SPAG11A: variants seen among roughly 807,000 people sequenced by gnomAD.
SPAG11A encodes sperm-associated antigen 11A.
A neutral mutation model predicts 5.5 loss-of-function variants in SPAG11A; 2 were observed. The ratio of observed to expected loss-of-function variants is 0.37; its 90% CI spans 0.15 to 1.15. The LOEUF (loss-of-function observed/expected upper bound fraction) is 1.15, where lower values mean the gene tolerates loss of function less well. Ranked by LOEUF, SPAG11A falls within the 50% of genes most tolerant of loss-of-function variation. SPAG11A has a pLI of 0.38. For synonymous variants in SPAG11A, 11 were observed against 42.7 expected, an observed-to-expected ratio of 0.26 and a Z score of 2.90; for missense variants, 24 against 122.5, an observed-to-expected ratio of 0.20 and a Z score of 3.80.
chr8:7,863,556 T>G, downstream of SPAG11A: 1 of 1,604,780 alleles, frequency 6.2e-7, no homozygotes. Flanking sequence ...GACTTCCTCT[T>G]CCTGCCTCCT....
At chr8:7,856,653 TAC>T (rs1818039464) in intron 2 of SPAG11A, among the ~76,000 whole-genome samples, 1 of 75,998 alleles carries the variant, frequency 1.3e-5, no homozygotes. Flanking sequence ...ACATTTTTTC[TAC>T]TATCAAATGT....
At chr8:7,863,213 A>ATTTTTTT (rs869056010), downstream of SPAG11A, among the ~76,000 whole-genome samples, 81 of 7,544 alleles carry the variant, frequency 0.011, 21 homozygotes, top group East Asian at 0.023. Flanking sequence ...TGCAGATGGG[A>ATTTTTTT]TTTTTTTTTT....
intron 2 of SPAG11A, among the ~76,000 whole-genome samples, chr8:7,852,303 A>G (rs1440893471): frequency 4.6e-5 from 7 of 151,940 alleles, no homozygotes. Context: ...CTGGGTTACT[A>G]CTTTATTCTC....
At chr8:7,860,119 G>T (rs540430655) in intron 2 of SPAG11A, among the ~76,000 whole-genome samples, 1 of 149,148 alleles carries the variant, frequency 6.7e-6, no homozygotes, top group African/African-American at 2.5e-5. Flanking sequence ...ACCATCTCTT[G>T]CCCAATGTCC....
rs570009245 is a variant in SPAG11A, at chr8:7,860,001, C to T, written c.215-645C>T. 2.7e-5 allele frequency among the ~76,000 whole-genome samples: 4 copies of T among 150,480 alleles called. No homozygotes were observed. In the East Asian group the frequency reaches 7.9e-4, roughly 30 times the overall value. ...TTGTGCAAGAGTGTTTTCCTAATCA[C>T]GCAAGACCAACACTGTGCTGTTGTT... On this transcript the variant is annotated intron_variant, in intron 2 of 2. Transcript: ENST00000642566.
At chr8:7,852,255 T>C in intron 2 of SPAG11A, among the ~76,000 whole-genome samples, 1 of 152,164 alleles carries the variant, frequency 6.6e-6, no homozygotes, top group Non-Finnish European at 1.5e-5. Flanking sequence ...TTTTGTTTAT[T>C]GATCATTTTT....
chr8:7,852,264 T>C (rs536272584), intron 2 of SPAG11A, among the ~76,000 whole-genome samples: 99 of 152,194 alleles, frequency 6.5e-4, no homozygotes, highest in African/African-American at 2.2e-3. Flanking sequence ...TTGATCATTT[T>C]TTCTCTTCTG....
chr8:7,858,577 G>C lies in SPAG11A; in HGVS notation c.215-2069G>C, dbSNP rs551895476. Among the ~76,000 whole-genome samples the C allele has an allele frequency of 1.8e-3, 163 of 91,908 alleles. 20 individuals are homozygous for C. The highest frequency in any genetic ancestry group is 3.9e-3 in the African/African-American group (132 of 33,904). The allele number at this position is 91,908 out of a possible 152,430, so 60.3% of individuals were successfully genotyped here. ...TGGAATAATGTGGTACGTTGTCTCTGTTTTTTTTTTCTTTCAGCATAGCGT... is the reference window on the plus strand; with the variant it reads ...TGGAATAATGTGGTACGTTGTCTCTCTTTTTTTTTTCTTTCAGCATAGCGT... On this transcript the variant is annotated intron_variant, in intron 2 of 2. Transcript: ENST00000642566.
chr8:7,860,455 C>G, intron 2 of SPAG11A, 191 bp from the exon 3 acceptor site: 1 of 1,418,484 alleles, frequency 7.0e-7, no homozygotes, highest in Non-Finnish European at 9.5e-7. Flanking sequence ...CTATCATCCT[C>G]CTGGCAACAT....
At chr8:7,861,860 T>C (rs2128929123), downstream of SPAG11A, among the ~76,000 whole-genome samples, 1 of 129,148 alleles carries the variant, frequency 7.7e-6, no homozygotes, top group Middle Eastern at 3.7e-3. Context: ...CAGCTCAAGT[T>C]GCAATGAATA....
rs756544065 is a variant in SPAG11A, at chr8:7,860,435, A to G, written c.215-211A>G. ...CTAGATGGGCCAGGTGAGCATTCAT[A>G]AAACACACCCTATCATCCTCCTGGC... On this transcript the variant is annotated intron_variant, in intron 2 of 2. Coordinates refer to ENST00000642566, the Ensembl canonical transcript of SPAG11A. 3.6e-5 allele frequency: 51 copies of G among 1,424,588 alleles called. 5 individuals carry two copies. Among genetic ancestry groups the G allele is most frequent in the Admixed American group, 1.9e-4 (10 of 53,458 alleles). The allele number at this position is 1,424,588 out of a possible 1,614,324, so 88.2% of individuals were successfully genotyped here.
At chr8:7,857,443 C>CTTT (rs746499721) in intron 2 of SPAG11A, among the ~76,000 whole-genome samples, 152 of 44,610 alleles carry the variant, frequency 3.4e-3, no homozygotes, top group African/African-American at 6.7e-3. Flanking sequence ...TTCTTTCTTT[C>CTTT]TTTTTTTTTT....
At chr8:7,854,423 C>T (rs1327506148) in intron 2 of SPAG11A, among the ~76,000 whole-genome samples, 4 of 131,414 alleles carry the variant, frequency 3.0e-5, no homozygotes, top group East Asian at 2.4e-4. Context: ...GTTTGCATAG[C>T]GGTGAGTAAA....
At chr8:7,858,200 G>T (rs1372434609) in intron 2 of SPAG11A, among the ~76,000 whole-genome samples, 2 of 102,224 alleles carry the variant, frequency 2.0e-5, no homozygotes, top group African/African-American at 2.8e-5. Context: ...TTGCTTAAGA[G>T]AATTTTAAGG....
At chr8:7,852,381 T>C (rs1585705346) in intron 2 of SPAG11A, among the ~76,000 whole-genome samples, 2 of 152,384 alleles carry the variant, frequency 1.3e-5, no homozygotes, top group African/African-American at 4.8e-5. Flanking sequence ...TGGTGCGATT[T>C]TGGCTCACCA....
At chr8:7,862,846 C>CT (rs1244451962), downstream of SPAG11A, among the ~76,000 whole-genome samples, 41 of 98,728 alleles carry the variant, frequency 4.2e-4, no homozygotes, top group African/African-American at 1.3e-3. Flanking sequence ...GCTCTGTTCC[C>CT]TTTTTAATTT....
chr8:7,862,737 CGGAAG>C (rs1190649883), downstream of SPAG11A, among the ~76,000 whole-genome samples: 20 of 120,058 alleles, frequency 1.7e-4, no homozygotes, highest in East Asian at 3.9e-3. Context: ...GAAGCAAACA[CGGAAG>C]GGAAGGGAAG....
chr8:7,852,307 T>A (rs1817950429), intron 2 of SPAG11A, among the ~76,000 whole-genome samples: 1 of 152,258 alleles, frequency 6.6e-6, no homozygotes, highest in Admixed American at 6.5e-5. Flanking sequence ...GTTACTACTT[T>A]ATTCTCTTTT....
At chr8:7,852,477 G>C (rs1405093049) in intron 2 of SPAG11A, among the ~76,000 whole-genome samples, 1 of 152,124 alleles carries the variant, frequency 6.6e-6, no homozygotes, top group African/African-American at 2.4e-5. Flanking sequence ...GGGATTACAG[G>C]TGTCCACCAC....
Sources: gnomAD v4.1 joint callset for allele counts (sites outside exome capture counted in the v4.1 genomes callset) on GRCh38, gnomAD v4.1.1 for gene constraint, MANE v1.5 for transcripts, NCBI Gene and HGNC (gene_info 2026-07-23, HGNC 2026-07-21) for gene names.